Variants in RBFOX1 observed in about 807,000 individuals in gnomAD.
The protein encoded by RBFOX1 is RNA binding protein fox-1 homolog 1.
In RBFOX1, 8 loss-of-function variants were observed where a neutral mutation model predicts 57.7. The observed-to-expected ratio is 0.14, with a 90% CI of 0.08 to 0.25. The LOEUF is 0.25. Among genes scored for constraint, RBFOX1 ranks in the 10% least tolerant of loss-of-function variants. The pLI is 1.00. For synonymous variants in RBFOX1, 326 were observed against 222.4 expected (o/e 1.47, Z -4.15); for missense variants, 611 against 548.5 (o/e 1.11, Z -1.14).
At chr16:5,414,526 T>C (rs962115806) in intron 1 of RBFOX1, among the ~76,000 whole-genome samples, 2 of 152,126 alleles carry the variant, frequency 1.3e-5, no homozygotes, top group East Asian at 3.9e-4. Context: ...TTGGTCAATT[T>C]GGGGGGCTGC....
intron 2 of RBFOX1, among the ~76,000 whole-genome samples, chr16:6,549,100 G>A (rs2096935053): frequency 8.3e-6 from 1 of 121,094 alleles, no homozygotes; most frequent in South Asian, 3.2e-4. Flanking sequence ...GGAAGAGGAG[G>A]CGGGGAGGAA....
chr16:7,369,234 A>T (rs1211448023), intron 4 of RBFOX1, among the ~76,000 whole-genome samples: 1 of 151,074 alleles, frequency 6.6e-6, no homozygotes, highest in Non-Finnish European at 1.5e-5. Flanking sequence ...AAACACACCC[A>T]AACAAACAGA....
chr16:7,256,743 A>G (rs2094701198), intron 4 of RBFOX1, among the ~76,000 whole-genome samples: 1 of 152,136 alleles, frequency 6.6e-6, no homozygotes, highest in Admixed American at 6.5e-5. Flanking sequence ...ACTGGTGCCA[A>G]ATGTCAGTAA....
At chr16:5,629,174 C>T (rs2048430567) in intron 3 of RBFOX1, among the ~76,000 whole-genome samples, 1 of 152,196 alleles carries the variant, frequency 6.6e-6, no homozygotes, top group Non-Finnish European at 1.5e-5. Context: ...GCTGGATAAG[C>T]AACCTGAATT....
At chr16:6,034,555 C>A (rs1402758033) in intron 1 of RBFOX1, among the ~76,000 whole-genome samples, 2 of 151,906 alleles carry the variant, frequency 1.3e-5, no homozygotes, top group African/African-American at 2.4e-5. Flanking sequence ...TTCTCTCCAA[C>A]CTTTGGGTAA....
intron 1 of RBFOX1, among the ~76,000 whole-genome samples, chr16:6,298,155 A>G (rs976546857): frequency 3.9e-5 from 6 of 152,184 alleles, no homozygotes; most frequent in African/African-American, 9.6e-5. Flanking sequence ...GCTGTCTGTC[A>G]TCATGCTCCA....
chr16:7,105,785 T>C (rs62014130), intron 4 of RBFOX1, among the ~76,000 whole-genome samples: 1 of 146,988 alleles, frequency 6.8e-6, no homozygotes, highest in Non-Finnish European at 1.5e-5. Context: ...TAGATGTATA[T>C]AGAGATAGAT....
chr16:7,669,734 A>G (rs2070744307), intron 13 of RBFOX1, among the ~76,000 whole-genome samples: 1 of 152,194 alleles, frequency 6.6e-6, no homozygotes, highest in Non-Finnish European at 1.5e-5. Flanking sequence ...TAAACTCAGG[A>G]ATGAGATGTG....
chr16:5,905,009 T>A (rs1339385309), intron 4 of RBFOX1, among the ~76,000 whole-genome samples: 1 of 142,014 alleles, frequency 7.0e-6, no homozygotes, highest in Non-Finnish European at 1.5e-5. Flanking sequence ...GGTAATCAGA[T>A]GAAAATAAGT....
rs544837258 is a variant in RBFOX1, at chr16:5,959,803, C to G, written c.351+92468C>G. Among the ~76,000 whole-genome samples the G allele has an allele frequency of 5.4e-4, 82 of 152,152 alleles. 1 individual carries two copies. Among genetic ancestry groups the G allele is most frequent in the Non-Finnish European group, 1.6e-4 (11 of 68,030 alleles). On this transcript the variant is annotated intron_variant, in intron 4 of 19. Transcript: ENST00000641259. ...CTCCAGCCTGGCTGACAGAGCAAGACTCTATCTGAAGAAAAAGAAATAAAG... is the reference window on the plus strand; with the variant it reads ...CTCCAGCCTGGCTGACAGAGCAAGAGTCTATCTGAAGAAAAAGAAATAAAG...
At chr16:5,698,732 A>T (rs1018761542) in intron 3 of RBFOX1, among the ~76,000 whole-genome samples, 1 of 152,200 alleles carries the variant, frequency 6.6e-6, no homozygotes, top group Non-Finnish European at 1.5e-5. Context: ...TAATCAAAAC[A>T]TGGTATGTCC....
In RBFOX1 at chr16:7,446,796, G is replaced by T. The variant is rs568309483; in HGVS notation, c.28-71351G>T. Reference sequence around the variant, plus strand: ...ATTTCTCAAGCCAAGGTAGGTCTAGGTATTTTTTTTTTTTTTTTTTTTTTT... The same window carrying T: ...ATTTCTCAAGCCAAGGTAGGTCTAGTTATTTTTTTTTTTTTTTTTTTTTTT... On this transcript the variant is annotated intron_variant, in intron 4 of 15. Transcript: ENST00000550418. Among the ~76,000 whole-genome samples the T allele has an allele frequency of 5.2e-3, 572 of 109,442 alleles. 7 individuals carry two copies. The highest frequency in any genetic ancestry group is 0.019 in the African/African-American group (531 of 27,604). 71.8% of individuals were successfully genotyped at this position (109,442 alleles called of 152,430 possible).
chr16:5,679,087 A>G (rs7200770), intron 3 of RBFOX1, among the ~76,000 whole-genome samples: 6,224 of 152,274 alleles, frequency 0.041, 438 homozygotes, highest in African/African-American at 0.14. Flanking sequence ...TCATTACTCC[A>G]TTTATGCCTT....
chr16:6,328,840 G>A (rs2082676149), intron 2 of RBFOX1, among the ~76,000 whole-genome samples: 1 of 152,172 alleles, frequency 6.6e-6, no homozygotes, highest in African/African-American at 2.4e-5. Flanking sequence ...GCAAAAGGGA[G>A]TCGTGATTAC....
At chr16:5,567,713 G>C (rs1425914945) in intron 2 of RBFOX1, among the ~76,000 whole-genome samples, 1 of 145,312 alleles carries the variant, frequency 6.9e-6, no homozygotes, top group Admixed American at 7.1e-5. Flanking sequence ...TGTCATTGCT[G>C]ACATCATCCT....
chr16:6,657,170 T>A (rs1281744366), intron 3 of RBFOX1, among the ~76,000 whole-genome samples: 1 of 149,522 alleles, frequency 6.7e-6, no homozygotes, highest in Non-Finnish European at 1.5e-5. Flanking sequence ...CCTCCTTCCC[T>A]TTTTCTCTCC....
chr16:6,881,037 C>T (rs1382779081), intron 3 of RBFOX1, among the ~76,000 whole-genome samples: 1 of 152,204 alleles, frequency 6.6e-6, no homozygotes, highest in Non-Finnish European at 1.5e-5. Flanking sequence ...CCACCTTCCC[C>T]TCCTATGCCT....
chr16:6,051,950 C>A (rs1240127758), intron 1 of RBFOX1, among the ~76,000 whole-genome samples: 1 of 152,158 alleles, frequency 6.6e-6, no homozygotes, highest in African/African-American at 2.4e-5. Context: ...CAGAGCCCTA[C>A]ACTCCCTCAC....
chr16:7,405,735 C>G (rs953010264), intron 4 of RBFOX1, among the ~76,000 whole-genome samples: 3 of 152,138 alleles, frequency 2.0e-5, no homozygotes, highest in African/African-American at 7.2e-5. Context: ...GGACAGTAAG[C>G]TTGGATGACA....
Sources: gnomAD v4.1 joint callset for allele counts (sites outside exome capture counted in the v4.1 genomes callset) on GRCh38, gnomAD v4.1.1 for gene constraint, MANE v1.5 for transcripts, NCBI Gene and HGNC (gene_info 2026-07-23, HGNC 2026-07-21) for gene names.